The following GPATCH2 variants were observed in gnomAD, a reference collection of about 807,000 sequenced individuals.
GPATCH2 encodes the protein G-patch domain containing 2.
GPATCH2 carries 51 observed loss-of-function variants against 58.0 expected under a neutral mutation model. That is an observed-to-expected ratio of 0.88 (90% CI 0.70 to 1.11). GPATCH2 has a LOEUF of 1.11. Among genes scored for constraint, GPATCH2 ranks in the 50% most tolerant of loss-of-function variants. The probability of loss-of-function intolerance (pLI) is 0.00; values close to 1 mark genes in which losing one functional copy is unlikely to be tolerated. For missense variants in GPATCH2, 625 were observed against 652.2 expected (o/e 0.96, Z 0.45); for synonymous variants, 222 against 218.5 (o/e 1.02, Z -0.14).
At chr1:217,592,930 C>A (rs1032289804) in intron 5 of GPATCH2, among the ~76,000 whole-genome samples, 3 of 151,922 alleles carry the variant, frequency 2.0e-5, no homozygotes, top group Admixed American at 2.0e-4. Context: ...TTTCAGCCCA[C>A]CCCTGACTTT....
chr1:217,616,018 T>C (rs974336948), intron 2 of GPATCH2, among the ~76,000 whole-genome samples: 2 of 152,116 alleles, frequency 1.3e-5, no homozygotes, highest in African/African-American at 4.8e-5. Flanking sequence ...GGACATTAAA[T>C]AACAGCAAAG....
intron 9 of GPATCH2, among the ~76,000 whole-genome samples, chr1:217,446,051 C>G (rs1047465117): frequency 6.6e-6 from 1 of 152,014 alleles, no homozygotes; most frequent in African/African-American, 2.4e-5. Flanking sequence ...TTTGGTAAAT[C>G]CTTTCTAAAC....
At chr1:217,502,655 T>C (rs902227218) in intron 6 of GPATCH2, among the ~76,000 whole-genome samples, 10 of 152,086 alleles carry the variant, frequency 6.6e-5, no homozygotes, top group African/African-American at 2.4e-4. Context: ...CTGGTGATCT[T>C]TACTTATCTA....
rs1663106399 is a variant in GPATCH2, at chr1:217,515,731, T to TA, written c.1099-843dup. On this transcript the variant is annotated intron_variant, in intron 5 of 9. Transcript: ENST00000366935. ...TCAAAATAATACTAAAAAAAAATTT[T>TA]AAAAAAAGGACTCTTTATAATAGTG... Among the ~76,000 whole-genome samples the TA allele has an allele frequency of 2.0e-5, 3 of 147,422 alleles. No homozygotes were observed. The South Asian group carries it at 6.4e-4, about 32-fold the overall frequency.
intron 5 of GPATCH2, among the ~76,000 whole-genome samples, chr1:217,583,598 A>G (rs1020979977): frequency 6.6e-6 from 1 of 151,278 alleles, no homozygotes; most frequent in Non-Finnish European, 1.5e-5. Flanking sequence ...AAAAGATAGA[A>G]GACTAATAAT....
At chr1:217,580,387 TA>T (rs1667014042) in intron 5 of GPATCH2, among the ~76,000 whole-genome samples, 1 of 152,192 alleles carries the variant, frequency 6.6e-6, no homozygotes, top group South Asian at 2.1e-4. Context: ...TCTAGTAAGC[TA>T]ACCTTTCAAC....
intron 5 of GPATCH2, among the ~76,000 whole-genome samples, chr1:217,588,297 T>C (rs1667435025): frequency 6.6e-6 from 1 of 152,296 alleles, no homozygotes; most frequent in South Asian, 2.1e-4. Context: ...AGCAATTACC[T>C]AATTCTGATA....
At chr1:217,456,416 G>A (rs941905917) in intron 8 of GPATCH2, among the ~76,000 whole-genome samples, 9 of 152,172 alleles carry the variant, frequency 5.9e-5, no homozygotes, top group African/African-American at 2.2e-4. Flanking sequence ...AGGGGTGACA[G>A]GGAACACTCC....
At chr1:217,474,915 G>C (rs1436083687) in intron 8 of GPATCH2, among the ~76,000 whole-genome samples, 1 of 152,154 alleles carries the variant, frequency 6.6e-6, no homozygotes, top group Non-Finnish European at 1.5e-5. Flanking sequence ...AAAATGGATT[G>C]AATGAGAGTA....
chr1:217,563,099 T>C (rs1049345917), intron 5 of GPATCH2, among the ~76,000 whole-genome samples: 7 of 152,194 alleles, frequency 4.6e-5, no homozygotes, highest in Non-Finnish European at 7.3e-5. Flanking sequence ...ATTTAGACTA[T>C]CCCACAAGTA....
chr1:217,521,404 A>T (rs1295902192), intron 5 of GPATCH2, among the ~76,000 whole-genome samples: 2 of 142,894 alleles, frequency 1.4e-5, no homozygotes, highest in South Asian at 4.6e-4. Flanking sequence ...TGTTTTCTGT[A>T]TTTGGGGATT....
intron 8 of GPATCH2, among the ~76,000 whole-genome samples, chr1:217,477,940 G>A (rs1022646933): frequency 3.3e-5 from 5 of 152,146 alleles, no homozygotes; most frequent in Non-Finnish European, 7.3e-5. Context: ...CTAGCTTCAT[G>A]AGGCTCAGAA....
At chr1:217,630,104 A>G (rs1368287419) in intron 1 of GPATCH2, among the ~76,000 whole-genome samples, 3 of 152,138 alleles carry the variant, frequency 2.0e-5, no homozygotes, top group Non-Finnish European at 4.4e-5. Flanking sequence ...TTTGGAGGAA[A>G]AGGGCTTGGG....
Position 217,514,827 on chromosome 1 carries a change from G to T in GPATCH2, c.1161C>A (p.His387Gln). 1 of 1,460,872 alleles carries T rather than the reference G, an allele frequency of 6.8e-7. No individual in the cohort carries two copies. Among genetic ancestry groups the T allele is most frequent in the Non-Finnish European group, 9.6e-7 (1 of 1,040,488 alleles). 90.5% of individuals were successfully genotyped at this position (1,460,872 alleles called of 1,614,324 possible). The change falls in exon 6 of 10, where the codon CAC becomes CAA. Residue 387 changes from histidine (H) to glutamine (Q), a missense_variant. Coordinates refer to ENST00000366935, the MANE Select transcript of GPATCH2 (RefSeq NM_018040.5). ...TAAACACACTGAGTACTCACTCATG[G>T]TGATGAGAATCCGGGGAAAAATGAA... Reference protein sequence around the residue: ...RMVHFSPDSHHHDHWFSPGAR... With the variant: ...RMVHFSPDSHQHDHWFSPGAR...
At chr1:217,582,442 T>C (rs1389601898) in intron 5 of GPATCH2, among the ~76,000 whole-genome samples, 1 of 152,122 alleles carries the variant, frequency 6.6e-6, no homozygotes, top group African/African-American at 2.4e-5. Context: ...AGATGGACAA[T>C]TATTGGACAT....
Position 217,436,233 on chromosome 1 carries a change from C to CA in GPATCH2, c.1367-4869dup, listed in dbSNP as rs564395727. ...TAGAAAACTGTTTTGGCCCTGAAGT[C>CA]AGACAGGAATGTTTATCTGCTACAA... On this transcript the variant is annotated intron_variant, in intron 9 of 9. Coordinates refer to ENST00000366935, the MANE Select transcript of GPATCH2 (RefSeq NM_018040.5). 1.1e-4 allele frequency among the ~76,000 whole-genome samples: 16 copies of CA among 152,030 alleles called. No homozygotes were observed. The East Asian group carries it at 2.3e-3, about 22-fold the overall frequency.
chr1:217,603,871 C>T (rs950407761), intron 5 of GPATCH2, among the ~76,000 whole-genome samples: 1 of 152,026 alleles, frequency 6.6e-6, no homozygotes, highest in African/African-American at 2.4e-5. Context: ...GATCCATCTG[C>T]CTTGGCCTCC....
chr1:217,452,803 G>T (rs1659730664), intron 8 of GPATCH2, among the ~76,000 whole-genome samples: 1 of 152,038 alleles, frequency 6.6e-6, no homozygotes, highest in Non-Finnish European at 1.5e-5. Flanking sequence ...AAATGTTCAA[G>T]GAGAATAAAG....
chr1:217,564,357 C>G (rs1219687444), intron 5 of GPATCH2, among the ~76,000 whole-genome samples: 1 of 152,142 alleles, frequency 6.6e-6, no homozygotes, highest in Non-Finnish European at 1.5e-5. Flanking sequence ...AAGATAATTA[C>G]ACAGCCTTCA....
Sources: gnomAD v4.1 joint callset for allele counts (sites outside exome capture counted in the v4.1 genomes callset) on GRCh38, gnomAD v4.1.1 for gene constraint, MANE v1.5 for transcripts, NCBI Gene and HGNC (gene_info 2026-07-23, HGNC 2026-07-21) for gene names.